The following EFNA5 variants were observed in gnomAD, a reference collection of about 807,000 sequenced individuals.
The protein encoded by EFNA5 is ephrin-A5.
In EFNA5, 5 loss-of-function variants were observed where a neutral mutation model predicts 22.9. The ratio of observed to expected loss-of-function variants is 0.22; its 90% CI spans 0.11 to 0.46. The LOEUF (loss-of-function observed/expected upper bound fraction) is 0.46, where lower values mean the gene tolerates loss of function less well. Among genes scored for constraint, EFNA5 ranks in the 20% least tolerant of loss-of-function variants. The probability of loss-of-function intolerance (pLI) is 0.99; values close to 1 mark genes in which losing one functional copy is unlikely to be tolerated. For missense variants in EFNA5, 237 were observed against 293.3 expected (o/e 0.81, Z 1.40); for synonymous variants, 113 against 112.2 (o/e 1.01, Z -0.04).
chr5:107,537,574 G>A (rs760905390), intron 1 of EFNA5, among the ~76,000 whole-genome samples: 1 of 152,152 alleles, frequency 6.6e-6, no homozygotes, highest in Non-Finnish European at 1.5e-5. Flanking sequence ...ACTCCTGCCT[G>A]GGCCACAAGA....
At chr5:107,580,721 C>CA (rs56868732) in intron 1 of EFNA5, among the ~76,000 whole-genome samples, 1,063 of 83,416 alleles carry the variant, frequency 0.013, 21 homozygotes, top group African/African-American at 0.04. Flanking sequence ...GACTCCATCT[C>CA]AAAAAAAAAA....
chr5:107,638,075 G>A (rs551040986), intron 1 of EFNA5, among the ~76,000 whole-genome samples: 4 of 151,408 alleles, frequency 2.6e-5, no homozygotes, highest in Non-Finnish European at 5.9e-5. Context: ...GGATGGTCTC[G>A]ATCTCCTGAC....
chr5:107,385,702 G>A (rs1297875064), intron 4 of EFNA5, among the ~76,000 whole-genome samples: 2 of 151,972 alleles, frequency 1.3e-5, no homozygotes, highest in Non-Finnish European at 2.9e-5. Flanking sequence ...TGTTAAGGGA[G>A]ATACTGAGTA....
At chr5:107,527,586 A>T (rs1432181555) in intron 1 of EFNA5, among the ~76,000 whole-genome samples, 1 of 150,838 alleles carries the variant, frequency 6.6e-6, no homozygotes, top group Non-Finnish European at 1.5e-5. Flanking sequence ...CACCCAGCCT[A>T]AAACAACGTT....
intron 1 of EFNA5, among the ~76,000 whole-genome samples, chr5:107,538,839 T>A (rs1747981616): frequency 6.6e-6 from 1 of 152,050 alleles, no homozygotes; most frequent in South Asian, 2.1e-4. Context: ...GGTGTAGGGG[T>A]TGGAGGAGAA....
chr5:107,621,692 G>A (rs1750043063), intron 1 of EFNA5, among the ~76,000 whole-genome samples: 1 of 151,904 alleles, frequency 6.6e-6, no homozygotes, highest in African/African-American at 2.4e-5. Flanking sequence ...TTATTATGAG[G>A]ATTAAATGAG....
intron 1 of EFNA5, among the ~76,000 whole-genome samples, chr5:107,614,159 C>T (rs1049643639): frequency 7.9e-5 from 12 of 152,208 alleles, no homozygotes; most frequent in East Asian, 5.8e-4. Context: ...GCTCATTACA[C>T]GGATAATACT....
At chr5:107,565,546 CCT>C (rs1748647659) in intron 1 of EFNA5, among the ~76,000 whole-genome samples, 1 of 152,094 alleles carries the variant, frequency 6.6e-6, no homozygotes. Context: ...TTACTATGCT[CCT>C]ACATTATGTT....
chr5:107,557,444 C>G (rs553869942), intron 1 of EFNA5, among the ~76,000 whole-genome samples: 1 of 152,310 alleles, frequency 6.6e-6, no homozygotes, highest in East Asian at 1.9e-4. Context: ...TCAGGAACCA[C>G]GCAGCCCACT....
At chr5:107,659,364 G>C (rs1750894589) in intron 1 of EFNA5, among the ~76,000 whole-genome samples, 1 of 152,104 alleles carries the variant, frequency 6.6e-6, no homozygotes, top group Non-Finnish European at 1.5e-5. Flanking sequence ...TGTGGTACCA[G>C]AGAACAGGGA....
intron 1 of EFNA5, among the ~76,000 whole-genome samples, chr5:107,622,898 G>A (rs938647185): frequency 2.0e-5 from 3 of 151,204 alleles, no homozygotes; most frequent in Non-Finnish European, 4.4e-5. Context: ...GCGGGCGCCT[G>A]TAGTCCCAGC....
At chr5:107,636,191 G>A (rs1453578504) in intron 1 of EFNA5, among the ~76,000 whole-genome samples, 2 of 152,048 alleles carry the variant, frequency 1.3e-5, no homozygotes, top group Non-Finnish European at 2.9e-5. Flanking sequence ...TTGCATATAT[G>A]TGTGTGACTC....
intron 1 of EFNA5, among the ~76,000 whole-genome samples, chr5:107,558,341 C>T (rs921230192): frequency 6.6e-6 from 1 of 151,844 alleles, no homozygotes; most frequent in Non-Finnish European, 1.5e-5. Context: ...TTACACTGAA[C>T]AATAATTTCC....
intron 1 of EFNA5, among the ~76,000 whole-genome samples, chr5:107,637,520 G>GTGTC (rs1450185192): frequency 6.0e-5 from 9 of 148,956 alleles, no homozygotes; most frequent in African/African-American, 7.4e-5. Context: ...GTGTGTGTCT[G>GTGTC]TGTGTGTGTG....
chr5:107,516,737 C>T (rs1747490001), intron 1 of EFNA5, among the ~76,000 whole-genome samples: 1 of 152,130 alleles, frequency 6.6e-6, no homozygotes, highest in South Asian at 2.1e-4. Flanking sequence ...AGCTGCAAAC[C>T]ACAGCATTTA....
At chr5:107,528,319 A>C (rs1747740121) in intron 1 of EFNA5, among the ~76,000 whole-genome samples, 1 of 152,352 alleles carries the variant, frequency 6.6e-6, no homozygotes, top group East Asian at 1.9e-4. Flanking sequence ...CAGGAGAAAT[A>C]ATAATGTCTT....
chr5:107,509,588 C>A (rs1175240133), intron 1 of EFNA5, among the ~76,000 whole-genome samples: 3 of 151,574 alleles, frequency 2.0e-5, no homozygotes, highest in African/African-American at 7.3e-5. Context: ...GCCTTGGCCT[C>A]CCAAAGTGCT....
At chr5:107,657,868 AAAC>A (rs1043024539) in intron 1 of EFNA5, among the ~76,000 whole-genome samples, 3 of 152,170 alleles carry the variant, frequency 2.0e-5, no homozygotes, top group Non-Finnish European at 4.4e-5. Flanking sequence ...TAAAAACAAA[AAAC>A]AAAAAACGCA....
chr5:107,610,734 A>G (rs916153607), intron 1 of EFNA5, among the ~76,000 whole-genome samples: 1 of 152,200 alleles, frequency 6.6e-6, no homozygotes, highest in East Asian at 1.9e-4. Context: ...AAAAATTAAT[A>G]CAACTGTGTC....
Sources: gnomAD v4.1 joint callset for allele counts (sites outside exome capture counted in the v4.1 genomes callset) on GRCh38, gnomAD v4.1.1 for gene constraint, MANE v1.5 for transcripts, NCBI Gene and HGNC (gene_info 2026-07-23, HGNC 2026-07-21) for gene names.